SOX6: variants seen among roughly 807,000 people sequenced by gnomAD.
SOX6 encodes the protein transcription factor SOX-6.
A neutral mutation model predicts 97.8 loss-of-function variants in SOX6; 11 were observed. That is an observed-to-expected ratio of 0.11 (90% confidence interval 0.07 to 0.19). SOX6 has a LOEUF of 0.19. Among genes scored for constraint, SOX6 ranks in the 10% least tolerant of loss-of-function variants. The pLI, the probability that SOX6 is intolerant of heterozygous loss-of-function variation, is 1.00. For synonymous variants in SOX6, 360 were observed against 371.4 expected, an observed-to-expected ratio of 0.97 and a Z score of 0.35; for missense variants, 810 against 1,039.5, an observed-to-expected ratio of 0.78 and a Z score of 3.04.
At chr11:16,382,175 C>T (rs900219296) in intron 1 of SOX6, 4 of 148,424 alleles carry the variant, frequency 2.7e-5, no homozygotes, top group African/African-American at 1.1e-4. Context: ...TCCCAACCAT[C>T]ATCAAAACAT....
At chr11:16,154,220 A>G (rs1564986911) in intron 6 of SOX6, among the ~76,000 whole-genome samples, 1 of 152,182 alleles carries the variant, frequency 6.6e-6, no homozygotes, top group Non-Finnish European at 1.5e-5. Flanking sequence ...TGCCGTAATC[A>G]GGATCCTAAC....
At chr11:16,373,412 A>T (rs1342198234) in intron 1 of SOX6, among the ~76,000 whole-genome samples, 1 of 151,748 alleles carries the variant, frequency 6.6e-6, no homozygotes, top group East Asian at 1.9e-4. Context: ...TTCCTTTCAC[A>T]CTTTGTTTTG....
At chr11:16,340,506 T>C (rs546399317) in intron 2 of SOX6, among the ~76,000 whole-genome samples, 1 of 152,184 alleles carries the variant, frequency 6.6e-6, no homozygotes, top group East Asian at 1.9e-4. Flanking sequence ...TGCATGCCCT[T>C]TTGAAATTAA....
intron 4 of SOX6, among the ~76,000 whole-genome samples, chr11:16,187,188 C>G (rs1428914249): frequency 6.6e-6 from 1 of 152,072 alleles, no homozygotes; most frequent in Non-Finnish European, 1.5e-5. Context: ...AAAATTCTCA[C>G]TCACTCTCCC....
At chr11:16,415,112 A>G (rs1310709334) in intron 1 of SOX6, among the ~76,000 whole-genome samples, 1 of 152,182 alleles carries the variant, frequency 6.6e-6, no homozygotes, top group Non-Finnish European at 1.5e-5. Flanking sequence ...GAGTAAGAAA[A>G]TATGAAGTAA....
rs562065185 is a variant in SOX6, at chr11:16,629,968, GT to G, written n.430-17709del. 1.8e-4 allele frequency among the ~76,000 whole-genome samples: 28 copies of G among 152,120 alleles called. No homozygotes were observed. In the South Asian group the frequency reaches 3.7e-3, roughly 20 times the overall value. ...GTCACCTTTTGTCATTTCTGATGGA[GT>G]TTATGTGAATCTTTTTTTTCTTTGT... On this transcript the variant is annotated intron_variant and non_coding_transcript_variant, in intron 3 of 5. Coordinates refer to the SOX6 transcript ENST00000524520.
intron 4 of SOX6, among the ~76,000 whole-genome samples, chr11:16,217,899 T>C (rs1459653514): frequency 6.6e-6 from 1 of 152,136 alleles, no homozygotes; most frequent in Non-Finnish European, 1.5e-5. Context: ...TGCCTGTAAT[T>C]GGTTTATAAC....
intron 2 of SOX6, among the ~76,000 whole-genome samples, chr11:16,322,580 T>G (rs297357): frequency 0.61 from 92,852 of 151,996 alleles, 28,850 homozygotes; most frequent in East Asian, 0.72. Context: ...TGCATGTCAC[T>G]GCAGCACTGC....
At chr11:16,252,825 C>T (rs1028382270) in intron 3 of SOX6, among the ~76,000 whole-genome samples, 2 of 152,086 alleles carry the variant, frequency 1.3e-5, no homozygotes, top group South Asian at 2.1e-4. Flanking sequence ...TCCTCTCCCA[C>T]CTAAGCAGGG....
chr11:16,381,865 G>A (rs1361891960), intron 1 of SOX6, among the ~76,000 whole-genome samples: 1 of 151,544 alleles, frequency 6.6e-6, no homozygotes, highest in African/African-American at 2.4e-5. Context: ...AAAAATAAAT[G>A]TTTAGACATA....
chr11:16,536,471 A>G (rs1485941003), intron 4 of SOX6, among the ~76,000 whole-genome samples: 1 of 152,184 alleles, frequency 6.6e-6, no homozygotes, highest in East Asian at 1.9e-4. Flanking sequence ...GGTGCAGCCC[A>G]TGGAGGGTGA....
chr11:16,463,880 C>G (rs1449494809), intron 1 of SOX6, among the ~76,000 whole-genome samples: 1 of 152,118 alleles, frequency 6.6e-6, no homozygotes, highest in Non-Finnish European at 1.5e-5. Context: ...ATAAACTTTA[C>G]CTTTTTGGTT....
chr11:16,026,375 C>T (rs1325378938), intron 12 of SOX6, among the ~76,000 whole-genome samples: 10 of 152,060 alleles, frequency 6.6e-5, no homozygotes. Context: ...TCTGAAGTTC[C>T]GTGGCCACCA....
chr11:16,354,244 T>C (rs1857020684), intron 1 of SOX6, among the ~76,000 whole-genome samples: 1 of 151,994 alleles, frequency 6.6e-6, no homozygotes, highest in African/African-American at 2.4e-5. Flanking sequence ...TGCAAATACC[T>C]GGTATTTGGT....
At chr11:16,410,960 G>C (rs1424223708) in intron 1 of SOX6, among the ~76,000 whole-genome samples, 2 of 150,610 alleles carry the variant, frequency 1.3e-5, no homozygotes, top group Non-Finnish European at 3.0e-5. Flanking sequence ...GAACAACTTA[G>C]GGTAGGGGAG....
chr11:16,703,428 A>C (rs922820868), intron 3 of SOX6, among the ~76,000 whole-genome samples: 5 of 152,184 alleles, frequency 3.3e-5, no homozygotes. Context: ...TATGAAAAAG[A>C]CTACTCAGGA....
intron 3 of SOX6, among the ~76,000 whole-genome samples, chr11:16,617,159 T>C (rs1047835299): frequency 6.6e-6 from 1 of 151,890 alleles, no homozygotes; most frequent in African/African-American, 2.4e-5. Flanking sequence ...TTTTGTTGAA[T>C]TTTTACACTT....
intron 3 of SOX6, among the ~76,000 whole-genome samples, chr11:16,711,367 A>AG (rs1848178185): frequency 6.6e-6 from 1 of 152,012 alleles, no homozygotes; most frequent in South Asian, 2.1e-4. Flanking sequence ...CGTCTCTACA[A>AG]GAAAAAAAAA....
chr11:16,043,978 A>G (rs1424980248), intron 12 of SOX6, among the ~76,000 whole-genome samples: 1 of 152,174 alleles, frequency 6.6e-6, no homozygotes, highest in African/African-American at 2.4e-5. Flanking sequence ...GAAGCTTCCT[A>G]TGAGGTTGCT....
Sources: allele counts gnomAD v4.1 joint callset (sites outside exome capture counted in the v4.1 genomes callset), GRCh38; gene constraint gnomAD v4.1.1; transcripts MANE v1.5; gene names NCBI Gene and HGNC (gene_info 2026-07-23, HGNC 2026-07-21).